The following ZNF385D variants were observed in gnomAD, a reference collection of about 807,000 sequenced individuals.
ZNF385D encodes the protein zinc finger protein 659.
In ZNF385D, 15 loss-of-function variants were observed where a neutral mutation model predicts 35.8. The observed-to-expected ratio is 0.42, with a 90% confidence interval of 0.28 to 0.64. The LOEUF (loss-of-function observed/expected upper bound fraction) is 0.64. Among genes scored for constraint, ZNF385D ranks in the 30% least tolerant of loss-of-function variants. The pLI is 0.23. For synonymous variants in ZNF385D, 212 were observed against 186.8 expected (o/e 1.13, Z -1.10); for missense variants, 474 against 494.6 (o/e 0.96, Z 0.39).
chr3:21,617,898 G>A (rs1421405667), intron 2 of ZNF385D, among the ~76,000 whole-genome samples: 1 of 152,142 alleles, frequency 6.6e-6, no homozygotes, highest in Non-Finnish European at 1.5e-5. Context: ...TAAGCTTTCT[G>A]TAGCTGACAA....
chr3:22,328,778 T>C (rs1239832868), intron 2 of ZNF385D, among the ~76,000 whole-genome samples: 1 of 146,762 alleles, frequency 6.8e-6, no homozygotes, highest in Admixed American at 6.8e-5. Context: ...AAAAAGTTAA[T>C]AAAAAAGAGT....
chr3:21,743,131 G>A (rs74861675), intron 1 of ZNF385D, among the ~76,000 whole-genome samples: 9,094 of 152,208 alleles, frequency 0.06, 654 homozygotes, highest in East Asian at 0.25. Context: ...CTGAATGGAA[G>A]AGATACAACT....
chr3:22,128,277 A>G (rs927676016), intron 3 of ZNF385D, among the ~76,000 whole-genome samples: 1 of 152,002 alleles, frequency 6.6e-6, no homozygotes, highest in African/African-American at 2.4e-5. Context: ...TTTATGTGTT[A>G]TTTATTTATT....
intron 3 of ZNF385D, chr3:21,958,903 T>C (rs3821392): frequency 0.68 from 103,888 of 151,918 alleles, 36,662 homozygotes; most frequent in Non-Finnish European, 0.77. Context: ...AAATGAAACA[T>C]TGTATTACAT....
chr3:21,479,973 T>G (rs1704501631), intron 4 of ZNF385D, among the ~76,000 whole-genome samples: 1 of 152,208 alleles, frequency 6.6e-6, no homozygotes, highest in Non-Finnish European at 1.5e-5. Context: ...CATCAGAGAT[T>G]AGAACTATCT....
intron 3 of ZNF385D, among the ~76,000 whole-genome samples, chr3:21,969,447 T>A (rs2125336828): frequency 1.3e-5 from 2 of 152,298 alleles, no homozygotes; most frequent in South Asian, 4.1e-4. Context: ...GGTCCTAGCT[T>A]TCTCTTTGTC....
chr3:22,006,888 A>C (rs1464631275), intron 3 of ZNF385D, among the ~76,000 whole-genome samples: 1 of 152,038 alleles, frequency 6.6e-6, no homozygotes, highest in Non-Finnish European at 1.5e-5. Flanking sequence ...AACCAAGAGA[A>C]CTGTGTTTTA....
At chr3:22,293,730 C>A (rs1702421444) in intron 2 of ZNF385D, among the ~76,000 whole-genome samples, 2 of 152,090 alleles carry the variant, frequency 1.3e-5, no homozygotes. Flanking sequence ...GGCCCCAAGA[C>A]CAGCAGAATC....
chr3:22,329,178 C>A (rs925290370), intron 2 of ZNF385D, among the ~76,000 whole-genome samples: 9 of 152,036 alleles, frequency 5.9e-5, no homozygotes, highest in African/African-American at 2.2e-4. Flanking sequence ...GTCCACCGTC[C>A]GTGCTGATGT....
chr3:21,814,559 A>G (rs966683769), intron 3 of ZNF385D, among the ~76,000 whole-genome samples: 3 of 152,206 alleles, frequency 2.0e-5, no homozygotes, highest in Non-Finnish European at 2.9e-5. Context: ...CAGACTTTAA[A>G]CCAACAAAGA....
intron 3 of ZNF385D, among the ~76,000 whole-genome samples, chr3:22,110,598 T>G (rs1265988685): frequency 3.4e-5 from 5 of 148,972 alleles, no homozygotes; most frequent in African/African-American, 5.0e-5. Context: ...TGAGAACACA[T>G]GGACACAGGA....
At chr3:21,620,922 T>A (rs2064987298) in intron 2 of ZNF385D, among the ~76,000 whole-genome samples, 3 of 152,094 alleles carry the variant, frequency 2.0e-5, no homozygotes, top group Admixed American at 2.0e-4. Flanking sequence ...TCATCACAAA[T>A]TAAACACTGT....
At chr3:21,863,958 A>G (rs1341849705) in intron 3 of ZNF385D, among the ~76,000 whole-genome samples, 1 of 152,090 alleles carries the variant, frequency 6.6e-6, no homozygotes, top group East Asian at 1.9e-4. Context: ...AATCTGGGGA[A>G]GATGCTACAT....
In ZNF385D at chr3:21,416,725, C is replaced by A. The variant is rs1029730222; in HGVS notation, c.*4489G>T. The A allele has an allele frequency of 1.1e-4, 16 of 152,144 alleles. No individual in the cohort carries two copies. The highest frequency in any genetic ancestry group is 3.9e-4 in the African/African-American group (16 of 41,440). 9.4% of individuals were successfully genotyped at this position (152,144 alleles called of 1,614,324 possible). ...CTGTAACAATGACAAGAGCGCATAA[C>A]TGATATACTTGTCTGTGGAAGAGAT... is the stretch of plus-strand genomic sequence containing the variant. On this transcript the variant is annotated 3_prime_UTR_variant, in exon 8 of 8. Transcript: ENST00000281523.
At chr3:21,564,152 C>T (rs1176864031) in intron 3 of ZNF385D, among the ~76,000 whole-genome samples, 1 of 152,032 alleles carries the variant, frequency 6.6e-6, no homozygotes, top group African/African-American at 2.4e-5. Context: ...AATTTGAGGC[C>T]TCCATTCCAG....
At chr3:22,127,218 C>A (rs969785384) in intron 3 of ZNF385D, among the ~76,000 whole-genome samples, 3 of 146,024 alleles carry the variant, frequency 2.1e-5, no homozygotes, top group Non-Finnish European at 4.5e-5. Context: ...TTTGTTATTT[C>A]TTTTCTGGTT....
At chr3:21,661,663 T>G (rs2066241096) in intron 2 of ZNF385D, among the ~76,000 whole-genome samples, 1 of 152,264 alleles carries the variant, frequency 6.6e-6, no homozygotes, top group South Asian at 2.1e-4. Flanking sequence ...AAGCTATCTT[T>G]TGTGTGAAAG....
rs142281438 is a variant in ZNF385D at position 21,586,966 on chromosome 3, G to T, written c.166-22282C>A. 2.0e-5 allele frequency among the ~76,000 whole-genome samples: 3 copies of T among 152,250 alleles called. No homozygotes were observed. The East Asian group carries it at 5.8e-4, about 29-fold the overall frequency. ...CAAATGAGTGATAATATTTGAGCTG[G>T]ATGAGTAGGAATTATTTACTTAGAA... On this transcript the variant is annotated intron_variant, in intron 2 of 7. Coordinates refer to ENST00000281523, the MANE Select transcript of ZNF385D (RefSeq NM_024697.3).
At chr3:21,703,006 G>A (rs936004861) in intron 1 of ZNF385D, among the ~76,000 whole-genome samples, 2 of 152,048 alleles carry the variant, frequency 1.3e-5, no homozygotes. Context: ...ACCTCTGCCT[G>A]TTACCCAGTT....
Sources: allele counts gnomAD v4.1 joint callset (sites outside exome capture counted in the v4.1 genomes callset), GRCh38; gene constraint gnomAD v4.1.1; transcripts MANE v1.5; gene names NCBI Gene and HGNC (gene_info 2026-07-23, HGNC 2026-07-21).